The following C1orf87 variants were observed in gnomAD, a reference collection of about 807,000 sequenced individuals.
C1orf87 encodes uncharacterized protein C1orf87.
C1orf87 carries 58 observed loss-of-function variants against 60.5 expected under a neutral mutation model. That is an observed-to-expected ratio of 0.96 (90% confidence interval 0.78 to 1.19). C1orf87 has a LOEUF of 1.19. C1orf87 is among the 50% of genes most tolerant of loss of function. The pLI is 0.00. For synonymous variants in C1orf87, 236 were observed against 227.4 expected (o/e 1.04, Z -0.34); for missense variants, 673 against 638.6 (o/e 1.05, Z -0.58).
chr1:60,066,023 A>G (rs1645543923), intron 2 of C1orf87, among the ~76,000 whole-genome samples: 1 of 152,154 alleles, frequency 6.6e-6, no homozygotes. Context: ...AAAACAATGC[A>G]CATACCTTAA....
chr1:60,011,598 C>T (rs1178823060), intron 8 of C1orf87, among the ~76,000 whole-genome samples: 1 of 152,070 alleles, frequency 6.6e-6, no homozygotes. Flanking sequence ...TTGCTAGCAA[C>T]CAAACCTCAA....
At chr1:59,992,262 ATTTT>A (rs1169779540) in intron 11 of C1orf87, among the ~76,000 whole-genome samples, 2 of 141,230 alleles carry the variant, frequency 1.4e-5, no homozygotes, top group Admixed American at 1.5e-4. Context: ...TTATTTATTT[ATTTT>A]TTATTTTGAG....
intron 9 of C1orf87, among the ~76,000 whole-genome samples, chr1:60,003,836 T>C (rs949265383): frequency 3.3e-5 from 5 of 152,082 alleles, no homozygotes; most frequent in African/African-American, 1.2e-4. Flanking sequence ...CAAATTCTTT[T>C]CCAATCCTGG....
At chr1:60,064,619 A>G (rs1169995966) in intron 2 of C1orf87, among the ~76,000 whole-genome samples, 1 of 57,434 alleles carries the variant, frequency 1.7e-5, no homozygotes, top group Non-Finnish European at 3.4e-5. Context: ...TATAAAATAT[A>G]TCATATATAT....
chr1:60,039,655 C>T (rs1645304545), intron 5 of C1orf87, among the ~76,000 whole-genome samples: 1 of 152,168 alleles, frequency 6.6e-6, no homozygotes, highest in Non-Finnish European at 1.5e-5. Flanking sequence ...TCTGTAACTA[C>T]CCTAACATTG....
chr1:60,005,381 A>G (rs888845671), intron 9 of C1orf87, among the ~76,000 whole-genome samples: 37 of 152,076 alleles, frequency 2.4e-4, no homozygotes, highest in African/African-American at 8.7e-4. Flanking sequence ...GTGCATTCTG[A>G]TGGAGAGAAC....
intron 6 of C1orf87, among the ~76,000 whole-genome samples, chr1:60,035,168 A>G (rs1460710630): frequency 6.6e-6 from 1 of 152,182 alleles, no homozygotes; most frequent in Non-Finnish European, 1.5e-5. Flanking sequence ...TTGCTTTACC[A>G]GCCTCTCTTT....
intron 3 of C1orf87, among the ~76,000 whole-genome samples, chr1:60,047,457 G>T (rs1645380686): frequency 6.6e-6 from 1 of 152,088 alleles, no homozygotes; most frequent in South Asian, 2.1e-4. Context: ...GGAAGGCTTT[G>T]TATCTTCATT....
chr1:59,998,171 C>T (rs1644976641), intron 10 of C1orf87, among the ~76,000 whole-genome samples: 1 of 130,728 alleles, frequency 7.6e-6, no homozygotes, highest in South Asian at 2.5e-4. Flanking sequence ...AGACAATGCT[C>T]ATACTTCTTG....
intron 3 of C1orf87, among the ~76,000 whole-genome samples, chr1:60,053,985 G>A (rs1006160746): frequency 7.9e-5 from 12 of 152,146 alleles, no homozygotes; most frequent in Admixed American, 2.6e-4. Flanking sequence ...CAATAATAAC[G>A]TCTTTTATAA....
At position 60,001,128 on chromosome 1, in the gene C1orf87, A is replaced by G; in HGVS notation, c.1221T>C (p.Pro407=). 1.3e-6 allele frequency: 2 copies of G among 1,591,026 alleles called. No homozygotes were observed. Among genetic ancestry groups the G allele is most frequent in the South Asian group, 2.3e-5 (2 of 87,728 alleles). Reference sequence around the variant, plus strand: ...TCTCGGGGACTTCAGGCTCCATTGGAGGGGCAGGGGCTTTCTTTTCATTCT... The same window carrying G: ...TCTCGGGGACTTCAGGCTCCATTGGGGGGGCAGGGGCTTTCTTTTCATTCT... ...TGKNEKKAPA[P]PMEPEVPEMS... Residue 407 remains proline (P), a synonymous_variant, in exon 10 of 12, where the codon CCT becomes CCC. Transcript: ENST00000371201.
chr1:60,044,019 TTGTTTGTTTGTTTTC>T (rs1456221221), intron 3 of C1orf87, among the ~76,000 whole-genome samples: 3 of 152,112 alleles, frequency 2.0e-5, no homozygotes, highest in Non-Finnish European at 4.4e-5. Flanking sequence ...CTGAGTCTTT[TTGTTTGTTTGTTTTC>T]TGTTTGTTTG....
intron 7 of C1orf87, among the ~76,000 whole-genome samples, chr1:60,028,265 C>T (rs1645213528): frequency 6.6e-6 from 1 of 152,104 alleles, no homozygotes; most frequent in Non-Finnish European, 1.5e-5. Flanking sequence ...AAAAACAGAT[C>T]ACCTACTTCT....
At chr1:60,007,816 T>C (rs1645056816) in intron 9 of C1orf87, among the ~76,000 whole-genome samples, 1 of 152,072 alleles carries the variant, frequency 6.6e-6, no homozygotes, top group South Asian at 2.1e-4. Context: ...CTTAATGATA[T>C]AAATTTTCTA....
chr1:60,019,170 G>A (rs1157206477), intron 8 of C1orf87, among the ~76,000 whole-genome samples: 2 of 152,144 alleles, frequency 1.3e-5, no homozygotes, highest in East Asian at 3.9e-4. Flanking sequence ...GCAGGTGATT[G>A]GATCATGGGG....
chr1:60,056,923 T>G (rs2100321412), intron 2 of C1orf87, among the ~76,000 whole-genome samples: 1 of 152,300 alleles, frequency 6.6e-6, no homozygotes, highest in South Asian at 2.1e-4. Context: ...TAAATAATAC[T>G]TGTTGAACTC....
chr1:60,046,928 A>G (rs1574320119), intron 3 of C1orf87, among the ~76,000 whole-genome samples: 1 of 152,312 alleles, frequency 6.6e-6, no homozygotes, highest in East Asian at 1.9e-4. Context: ...CTAAAGTCTT[A>G]TTCATGTTCA....
chr1:60,059,373 G>T (rs1645479812), intron 2 of C1orf87, among the ~76,000 whole-genome samples: 1 of 152,188 alleles, frequency 6.6e-6, no homozygotes, highest in Non-Finnish European at 1.5e-5. Flanking sequence ...TGCTCTGGGG[G>T]TGCCGTGAAG....
At chr1:60,006,407 A>C (rs567669799) in intron 9 of C1orf87, among the ~76,000 whole-genome samples, 1 of 152,224 alleles carries the variant, frequency 6.6e-6, no homozygotes, top group African/African-American at 2.4e-5. Flanking sequence ...AAGTAGTTCT[A>C]ATTAGTAACT....
Sources: gnomAD v4.1 joint callset for allele counts (sites outside exome capture counted in the v4.1 genomes callset) on GRCh38, gnomAD v4.1.1 for gene constraint, MANE v1.5 for transcripts, NCBI Gene and HGNC (gene_info 2026-07-23, HGNC 2026-07-21) for gene names.